The following QRICH2 variants were observed in gnomAD, a reference collection of about 807,000 sequenced individuals.
QRICH2 encodes glutamine rich 2.
Under a neutral mutation model 168.3 loss-of-function variants are expected in QRICH2, and 119 were observed. The ratio of observed to expected loss-of-function variants is 0.71; its 90% CI spans 0.61 to 0.82. The LOEUF is 0.82. QRICH2 is among the 40% of genes least tolerant of loss of function. The probability of loss-of-function intolerance (pLI) is 0.00; values close to 1 mark genes in which losing one functional copy is unlikely to be tolerated. For missense variants in QRICH2, 2,241 were observed against 2,491.6 expected (o/e 0.90, Z 2.14); for synonymous variants, 894 against 951.2 (o/e 0.94, Z 1.11).
intron 1 of QRICH2, 82 bp from the exon 2 acceptor site, chr17:76,305,023 A>G (rs1598506729): frequency 4.5e-6 from 3 of 669,340 alleles, no homozygotes; most frequent in Non-Finnish European, 5.0e-6. Flanking sequence ...AGATGCGCAC[A>G]CACACTCTCA....
At chr17:76,287,652 A>T in intron 6 of QRICH2, 148 bp downstream of exon 6, 1 of 669,480 alleles carries the variant, frequency 1.5e-6, no homozygotes, top group Non-Finnish European at 2.7e-6. Context: ...TCCTTGAACT[A>T]GACATGGACA....
intron 3 of QRICH2, among the ~76,000 whole-genome samples, chr17:76,299,976 ACACAC>A (rs2143370530): frequency 6.6e-6 from 1 of 151,886 alleles, no homozygotes; most frequent in African/African-American, 2.4e-5. Flanking sequence ...GACTACAGGC[ACACAC>A]CACCACGCCC....
chr17:76,290,121 A>G (rs368665685), intron 4 of QRICH2, 44 bp from the exon 5 acceptor site: 46 of 1,424,202 alleles, frequency 3.2e-5, no homozygotes, highest in African/African-American at 4.3e-5. Flanking sequence ...TTAGATCTCT[A>G]GTGGGCTCCC....
rs1233238409 is a variant in QRICH2, at chr17:76,293,886, G to A, written c.841C>T (p.Pro281Ser). Residue 281 changes from proline to serine, a missense_variant, in exon 4 of 19, where the codon CCG (proline) becomes TCG (serine). By Grantham distance (74) the Pro-to-Ser change is moderately conservative (BLOSUM62 -1). Coordinates refer to ENST00000680821, the MANE Select transcript of QRICH2 (RefSeq NM_001388453.1). Reference sequence around the variant, plus strand: ...CCAGATCCTGATGCAGTCCGATCCGGGCCAAGACCACTGGCAGAATCCAGA... The same window carrying A: ...CCAGATCCTGATGCAGTCCGATCCGAGCCAAGACCACTGGCAGAATCCAGA... ...QALDSASGLG[P>S]DRTASGSGGT... The A allele has an allele frequency of 6.2e-7, 1 of 1,614,112 alleles. No individual in the cohort carries two copies. The highest frequency in any genetic ancestry group is 1.3e-5 in the African/African-American group (1 of 75,006).
In QRICH2 at chr17:76,280,797, C is replaced by T. The variant is rs755033153; in HGVS notation, c.4386+34G>A. Reference sequence around the variant, plus strand: ...CGGGGCTAGGGCACCACATTGAGCCCCGGCCCCATCCCAGCCACCCTGCGG... The same window carrying T: ...CGGGGCTAGGGCACCACATTGAGCCTCGGCCCCATCCCAGCCACCCTGCGG... On this transcript the variant is annotated intron_variant, in intron 9 of 18. Transcript: ENST00000680821. This position sits in a 1 kb window ranked among gnomAD's most constrained non-coding sequence, Gnocchi z 7.4. 4.1e-5 allele frequency: 66 copies of T among 1,613,840 alleles called. 2 individuals carry two copies. The South Asian group carries it at 6.9e-4, about 17-fold the overall frequency.
chr17:76,307,701 C>T lies in QRICH2; in HGVS notation c.298G>A (p.Glu100Lys), dbSNP rs1464118325. 1.4e-6 allele frequency: 2 copies of T among 1,435,190 alleles called. No individual in the cohort carries two copies. Among genetic ancestry groups the T allele is most frequent in the Non-Finnish European group, 1.8e-6 (2 of 1,096,188 alleles). The allele number at this position is 1,435,190 out of a possible 1,614,324, so 88.9% of individuals were successfully genotyped here. A position where few individuals can be genotyped will look rare whatever the true frequency, so the allele number is the denominator to read the frequency against. Residue 100 changes from glutamate (E) to lysine (K), a missense_variant, in exon 1 of 19, where the codon GAG becomes AAG. Physicochemically the swap from Glu to Lys is moderately conservative, Grantham distance 56. This residue lies in a region of QRICH2 where 2,047 missense variants were observed against 2,303.8 expected (regional missense o/e 0.89). Coordinates refer to ENST00000680821, the MANE Select transcript of QRICH2 (RefSeq NM_001388453.1). The surrounding 1 kb of genome is among the most constrained non-coding windows in gnomAD (Gnocchi z 5.3). ...GVGQAPSSALESQVKDLGGQV... is the reference protein window; with the variant it reads ...GVGQAPSSALKSQVKDLGGQV... ...CCGCCCAGGTCCTTCACTTGGCTCT[C>T]CAGCGCTGACGAAGGCGCCTGGCCC...
intron 15 of QRICH2, among the ~76,000 whole-genome samples, chr17:76,277,645 CAT>C (rs2070708697): frequency 6.6e-6 from 1 of 151,936 alleles, no homozygotes; most frequent in South Asian, 2.1e-4. Context: ...CATATACATA[CAT>C]ACTCATACAC....
At position 76,275,880 on chromosome 17, in the gene QRICH2, G is replaced by T; in HGVS notation, c.5421C>A (p.Ser1807Arg). The part of the protein sequence containing the change: ...RPHVHRPPSL[S>R]SNGQLPSRPQ... ...GCCGAGAGGGCAGCTGGCCATTGCT[G>T]CTGAGGGATGGCGGCCTGTGCACGT... Residue 1807 changes from serine (S) to arginine (R), a missense_variant, in exon 18 of 19, where the codon AGC becomes AGA. Physicochemically the swap from Ser to Arg is moderately radical, Grantham distance 110. Transcript: ENST00000680821. 1 of 1,608,908 alleles carries T rather than the reference G, an allele frequency of 6.2e-7. No individual in the cohort carries two copies.
intron 3 of QRICH2, among the ~76,000 whole-genome samples, chr17:76,298,984 G>A (rs2070852267): frequency 6.6e-6 from 1 of 152,040 alleles, no homozygotes; most frequent in Admixed American, 6.6e-5. Context: ...GAAATGCAGG[G>A]ATCTTTCCTT....
At chr17:76,309,594 G>A (rs866222799), upstream of QRICH2, 3 of 152,204 alleles carry the variant, frequency 2.0e-5, no homozygotes, top group African/African-American at 7.2e-5. Flanking sequence ...CCTCCTCCGT[G>A]AGCTCTGCAT....
At chr17:76,299,904 T>C (rs1057132821) in intron 3 of QRICH2, among the ~76,000 whole-genome samples, 4 of 151,600 alleles carry the variant, frequency 2.6e-5, no homozygotes, top group Admixed American at 2.6e-4. Context: ...CTCGGCTCAC[T>C]GCAACCTCCG....
chr17:76,280,163 G>A lies in QRICH2; in HGVS notation c.4627-9C>T. 1 of 1,612,790 alleles carries A rather than the reference G, an allele frequency of 6.2e-7. No individual in the cohort carries two copies. Among genetic ancestry groups the A allele is most frequent in the Non-Finnish European group, 8.5e-7 (1 of 1,179,330 alleles). On this transcript the variant is annotated splice_polypyrimidine_tract_variant and intron_variant, in intron 11 of 18. Transcript: ENST00000680821. This position sits in a 1 kb window ranked among gnomAD's most constrained non-coding sequence, Gnocchi z 7.4. ...AGCTCCAGGCGGTCCAGCTGTGGCG[G>A]GGAAAGAGGGGCCAGGGGACCTCTA...
Position 76,307,423 on chromosome 17 carries a change from A to C in QRICH2, c.534+42T>G. 3.1e-6 allele frequency: 5 copies of C among 1,602,834 alleles called. No homozygotes were observed. The highest frequency in any genetic ancestry group is 4.3e-6 in the Non-Finnish European group (5 of 1,170,760). ...CGGCTAGGCCTGGAGGGCGGCCTGG[A>C]GGAGGCAGACGGCCTGCGCGTGCCT... is the stretch of plus-strand genomic sequence containing the variant. On this transcript the variant is annotated intron_variant, in intron 1 of 18. Coordinates refer to ENST00000680821, the MANE Select transcript of QRICH2 (RefSeq NM_001388453.1). The surrounding 1 kb of genome is among the most constrained non-coding windows in gnomAD (Gnocchi z 5.3).
At chr17:76,295,894 CAG>C (rs981010346) in intron 3 of QRICH2, among the ~76,000 whole-genome samples, 3 of 152,076 alleles carry the variant, frequency 2.0e-5, no homozygotes, top group Admixed American at 6.6e-5. Context: ...ATGAAGTTAA[CAG>C]GGGCTGGATT....
intron 4 of QRICH2, among the ~76,000 whole-genome samples, 187 bp from the exon 5 acceptor site, chr17:76,290,264 G>A (rs1314344124): frequency 6.6e-6 from 1 of 152,194 alleles, no homozygotes; most frequent in African/African-American, 2.4e-5. Context: ...CTTAGCCCAT[G>A]AAACATCCAC....
At chr17:76,306,871 A>C (rs1396698719) in intron 1 of QRICH2, among the ~76,000 whole-genome samples, 1 of 151,176 alleles carries the variant, frequency 6.6e-6, no homozygotes, top group Non-Finnish European at 1.5e-5. Context: ...TGGGTGATAG[A>C]GTGAGACTCC....
chr17:76,287,971 T>C (rs1304649587), intron 5 of QRICH2, 74 bp from the exon 6 acceptor site: 1 of 1,194,770 alleles, frequency 8.4e-7, no homozygotes, highest in Admixed American at 1.7e-5. Context: ...TGCATGCAGC[T>C]CATGCCAGCC....
At position 76,292,181 on chromosome 17, in the gene QRICH2, T is replaced by C. The variant is rs3826286; in HGVS notation, c.2546A>G (p.His849Arg). ...RGLVQPGAVQHGLVQPGADQR... is the reference protein window; with the variant it reads ...RGLVQPGAVQRGLVQPGADQR... ...ATCTGCACCAGGTTGGACCAAACCA[T>C]GCTGAACTGCACCAGGTTGGACCAA... The change falls in exon 4 of 19, where the codon CAT (histidine) becomes CGT (arginine). Residue 849 changes from histidine (H) to arginine (R), a missense_variant. Transcript: ENST00000680821. 0.33 allele frequency: 512,646 copies of C among 1,561,486 alleles called. 89,383 individuals carry two copies. Among genetic ancestry groups the C allele is most frequent in the African/African-American group, 0.68 (47,894 of 70,698 alleles).
intron 17 of QRICH2, 117 bp from the exon 18 acceptor site, chr17:76,276,064 T>TG (rs2070673236): frequency 8.0e-7 from 1 of 1,244,170 alleles, no homozygotes; most frequent in Admixed American, 2.1e-5. Flanking sequence ...CTCAGCTGAG[T>TG]GGGGTCCTCG....
Sources: allele counts gnomAD v4.1 joint callset (sites outside exome capture counted in the v4.1 genomes callset), GRCh38; gene constraint gnomAD v4.1.1; regional missense constraint gnomAD v4.1.1; non-coding constraint Gnocchi (gnomAD v3.1); transcripts MANE v1.5; gene names NCBI Gene and HGNC (gene_info 2026-07-23, HGNC 2026-07-21).